Variants in CADPS2 observed in about 807,000 individuals in gnomAD.
The protein encoded by CADPS2 is calcium-dependent secretion activator 2.
In CADPS2, 93 loss-of-function variants were observed where a neutral mutation model predicts 172.5. That is an observed-to-expected ratio of 0.54 (90% CI 0.46 to 0.64). CADPS2 has a LOEUF of 0.64. Ranked by LOEUF, CADPS2 falls within the 30% of genes least tolerant of loss-of-function variation. The pLI, the probability that CADPS2 is intolerant of heterozygous loss-of-function variation, is 0.00. For synonymous variants in CADPS2, 546 were observed against 555.2 expected, an observed-to-expected ratio of 0.98 and a Z score of 0.23; for missense variants, 1,420 against 1,565.9, an observed-to-expected ratio of 0.91 and a Z score of 1.57.
At chr7:122,763,133 G>A (rs2093444217) in intron 1 of CADPS2, among the ~76,000 whole-genome samples, 1 of 152,030 alleles carries the variant, frequency 6.6e-6, no homozygotes, top group Non-Finnish European at 1.5e-5. Context: ...AGAGAAAACT[G>A]AGCACACAAA....
At position 122,435,949 on chromosome 7, in the gene CADPS2, C is replaced by CA. The variant is rs1228601111; in HGVS notation, c.2476+2391dup. 3.7e-4 allele frequency among the ~76,000 whole-genome samples: 56 copies of CA among 152,108 alleles called. 1 individual carries two copies. Among genetic ancestry groups the CA allele is most frequent in the Admixed American group, 2.6e-4 (4 of 15,270 alleles). ...TCATAGAAGCAGAGAGTAGAACAGTCACTGCTAGGGGCTGGGAGAAGAGAA... is the reference window on the plus strand; with the variant it reads ...TCATAGAAGCAGAGAGTAGAACAGTCAACTGCTAGGGGCTGGGAGAAGAGAA... On this transcript the variant is annotated intron_variant, in intron 17 of 29. Coordinates refer to ENST00000449022, the MANE Select transcript of CADPS2 (RefSeq NM_017954.11).
intron 1 of CADPS2, among the ~76,000 whole-genome samples, chr7:122,784,212 T>A (rs1248513167): frequency 6.6e-6 from 1 of 152,232 alleles, no homozygotes; most frequent in African/African-American, 2.4e-5. Context: ...TTTCACTATC[T>A]CATCCTCCTC....
intron 3 of CADPS2, among the ~76,000 whole-genome samples, chr7:122,631,568 C>T (rs1042627076): frequency 2.6e-5 from 4 of 152,034 alleles, no homozygotes; most frequent in Admixed American, 2.0e-4. Context: ...CATAAGCCAC[C>T]GCACCTGGTC....
intron 8 of CADPS2, among the ~76,000 whole-genome samples, chr7:122,538,146 TAAA>T (rs35361124): frequency 2.0e-5 from 3 of 146,400 alleles, no homozygotes; most frequent in African/African-American, 5.0e-5. Flanking sequence ...ACAAATTCAG[TAAA>T]AAAAAAAAGA....
At position 122,663,257 on chromosome 7, in the gene CADPS2, G is replaced by A. The variant is rs1451274362; in HGVS notation, c.766C>T (p.Leu256Phe). 2 of 1,611,852 alleles carry A rather than the reference G, an allele frequency of 1.2e-6. No individual in the cohort carries two copies. Among genetic ancestry groups the A allele is most frequent in the African/African-American group, 1.3e-5 (1 of 74,894 alleles). The change falls in exon 3 of 30, where the codon CTC (leucine) becomes TTC (phenylalanine). Residue 256 changes from leucine (L) to phenylalanine (F), a missense_variant. By Grantham distance (22) the Leu-to-Phe change is conservative. Coordinates refer to ENST00000449022, the MANE Select transcript of CADPS2 (RefSeq NM_017954.11). ...CTTACCTGACATGCATTATAAAGGA[G>A]CTGGTGTTCCAGTTTTTTAATACCC... The part of the protein sequence containing the change: ...ILGIKKLEHQ[L>F]LYNACQLDNA...
intron 2 of CADPS2, among the ~76,000 whole-genome samples, chr7:122,734,387 GAA>G (rs768675808): frequency 0.19 from 17,608 of 91,732 alleles, 1,274 homozygotes; most frequent in Middle Eastern, 0.32. Flanking sequence ...AAAAAAAAAA[GAA>G]AAAAAAAAAA....
chr7:122,567,076 G>A (rs1339211072), intron 7 of CADPS2, among the ~76,000 whole-genome samples: 1 of 152,104 alleles, frequency 6.6e-6, no homozygotes. Flanking sequence ...GAGCTCCAGT[G>A]TCCTTTTAAA....
intron 7 of CADPS2, among the ~76,000 whole-genome samples, chr7:122,570,218 C>G (rs1222628101): frequency 6.6e-6 from 1 of 151,918 alleles, no homozygotes; most frequent in African/African-American, 2.4e-5. Context: ...AAAAAGTGGG[C>G]AAAGGAGATG....
At position 122,615,273 on chromosome 7, in the gene CADPS2, C is replaced by T. The variant is rs760428814; in HGVS notation, c.1131G>A (p.Leu377=). The T allele has an allele frequency of 1.3e-6, 2 of 1,550,490 alleles. No individual in the cohort carries two copies. Among genetic ancestry groups the T allele is most frequent in the Non-Finnish European group, 1.7e-6 (2 of 1,144,482 alleles). Residue 377 remains leucine (L), a synonymous_variant, in exon 6 of 30, where the codon CTG becomes CTA. Coordinates refer to ENST00000449022, the MANE Select transcript of CADPS2 (RefSeq NM_017954.11). ...LEIVIMEVQG[L]KSVAPNRIVY... is the part of the protein sequence containing the mutation. ...CAATTCGATTGGGAGCAACTGACTT[C>T]AGGCCTTGCACTTCCATTATGACAA... is the stretch of plus-strand genomic sequence containing the variant.
intron 28 of CADPS2, chr7:122,331,156 TTA>T (rs1317440687): frequency 2.0e-5 from 3 of 147,474 alleles, no homozygotes; most frequent in African/African-American, 5.0e-5. Context: ...CTATTGTCTG[TTA>T]TTTTTTTTTT....
At chr7:122,703,793 A>C (rs2086551324) in intron 2 of CADPS2, among the ~76,000 whole-genome samples, 1 of 152,110 alleles carries the variant, frequency 6.6e-6, no homozygotes, top group African/African-American at 2.4e-5. Context: ...CTTGGACTCA[A>C]AGTAGCAGCA....
rs1297851334 is a variant in CADPS2 at position 122,320,172 on chromosome 7, T to C, written c.3884A>G (p.Glu1295Gly). 3 of 1,596,136 alleles carry C rather than the reference T, an allele frequency of 1.9e-6. No individual in the cohort carries two copies. Among genetic ancestry groups the C allele is most frequent in the Non-Finnish European group, 2.6e-6 (3 of 1,171,824 alleles). The part of the protein sequence containing the change: ...ITMKDSDEEE[E>G]G ...CTGCAAAGCTGTGTGATATCAGCCT[T>C]CTTCTTCTTCGTCACTGTCTTTCAT... Residue 1295 changes from glutamate to glycine, a missense_variant, in exon 30 of 30, where the codon GAA becomes GGA. Transcript: ENST00000449022.
At chr7:122,483,320 A>ATTGTGCTC (rs1266491407) in intron 11 of CADPS2, among the ~76,000 whole-genome samples, 2 of 152,228 alleles carry the variant, frequency 1.3e-5, no homozygotes, top group Non-Finnish European at 2.9e-5. Flanking sequence ...TCATTGGAAA[A>ATTGTGCTC]ACAAATGCAA....
intron 1 of CADPS2, among the ~76,000 whole-genome samples, chr7:122,750,648 T>C (rs896706690): frequency 3.3e-5 from 5 of 152,074 alleles, no homozygotes; most frequent in Non-Finnish European, 5.9e-5. Context: ...ACCAGACAAA[T>C]AGATGACACT....
chr7:122,634,041 T>A (rs961460083), intron 3 of CADPS2, among the ~76,000 whole-genome samples: 5 of 152,198 alleles, frequency 3.3e-5, no homozygotes, highest in Non-Finnish European at 5.9e-5. Context: ...ACTGCTTGAT[T>A]GCTGTGAATT....
At chr7:122,808,988 T>G (rs1799406158) in intron 1 of CADPS2, among the ~76,000 whole-genome samples, 1 of 152,196 alleles carries the variant, frequency 6.6e-6, no homozygotes, top group South Asian at 2.1e-4. Flanking sequence ...CCTTATATTC[T>G]TAACAGGAGG....
intron 4 of CADPS2, among the ~76,000 whole-genome samples, chr7:122,624,014 C>T (rs1180031029): frequency 6.6e-6 from 1 of 152,156 alleles, no homozygotes; most frequent in East Asian, 1.9e-4. Context: ...AAAATTGGCT[C>T]TTTTATCAGT....
intron 6 of CADPS2, among the ~76,000 whole-genome samples, chr7:122,586,798 G>A (rs2069769640): frequency 6.6e-6 from 1 of 151,808 alleles, no homozygotes; most frequent in African/African-American, 2.4e-5. Flanking sequence ...GGATCCTAAA[G>A]AATCTATTTC....
At chr7:122,847,299 C>A (rs550212120) in intron 1 of CADPS2, among the ~76,000 whole-genome samples, 1 of 152,124 alleles carries the variant, frequency 6.6e-6, no homozygotes, top group Non-Finnish European at 1.5e-5. Flanking sequence ...GTTGGCCAGG[C>A]TGGTCTAGAA....
Sources: allele counts gnomAD v4.1 joint callset (sites outside exome capture counted in the v4.1 genomes callset), GRCh38; gene constraint gnomAD v4.1.1; transcripts MANE v1.5; gene names NCBI Gene and HGNC (gene_info 2026-07-23, HGNC 2026-07-21).